The following MINDY3 variants were observed in gnomAD, a reference collection of about 807,000 sequenced individuals.
MINDY3 encodes the protein MINDY lysine 48 deubiquitinase 3, also known as ubiquitin carboxyl-terminal hydrolase MINDY-3.
MINDY3 carries 38 observed loss-of-function variants against 69.2 expected under a neutral mutation model. The observed-to-expected ratio is 0.55, with a 90% CI of 0.42 to 0.72. The LOEUF is 0.72. Ranked by LOEUF, MINDY3 falls within the 30% of genes least tolerant of loss-of-function variation. The pLI is 0.00. For synonymous variants in MINDY3, 192 were observed against 180.1 expected (o/e 1.07, Z -0.53); for missense variants, 522 against 519.0 (o/e 1.01, Z -0.06).
chr10:15,789,271 A>C lies in MINDY3; in HGVS notation c.1004T>G (p.Leu335Trp). ...DSLLEDVMKA[L>W]DLVSDPEYIN... is the part of the protein sequence containing the mutation. Reference sequence around the variant, plus strand: ...CTATTCAGGATCTGAAACAAGGTCCAATGCTTTCATCACATCTTCCAGAAG... The same window carrying C: ...CTATTCAGGATCTGAAACAAGGTCCCATGCTTTCATCACATCTTCCAGAAG... Residue 335 changes from leucine to tryptophan, a missense_variant, in exon 12 of 15, where the codon TTG becomes TGG. Leu to Trp is a moderately conservative substitution (Grantham distance 61). Coordinates refer to ENST00000277632, the MANE Select transcript of MINDY3 (RefSeq NM_024948.4). 6.2e-7 allele frequency: 1 copy of C among 1,611,734 alleles called. No individual in the cohort carries two copies. Among genetic ancestry groups the C allele is most frequent in the Non-Finnish European group, 8.5e-7 (1 of 1,178,556 alleles).
chr10:15,859,248 G>T (rs983670435), intron 1 of MINDY3, among the ~76,000 whole-genome samples: 3 of 152,124 alleles, frequency 2.0e-5, no homozygotes, highest in Non-Finnish European at 4.4e-5. Flanking sequence ...TGAAATAGGG[G>T]TTTATATTTA....
rs1471635978 is a variant in MINDY3 at position 15,847,956 on chromosome 10, G to A, written c.95-13C>T. On this transcript the variant is annotated splice_polypyrimidine_tract_variant and intron_variant, in intron 1 of 14. Transcript: ENST00000277632. The stretch of plus-strand genomic sequence containing the variant: ...CTAAACACAAACCCTAAAAATGAAA[G>A]CAAGTAGGAAAGATTAAAAATATAA... 2 of 1,602,444 alleles carry A rather than the reference G, an allele frequency of 1.2e-6. No homozygotes were observed. Among genetic ancestry groups the A allele is most frequent in the South Asian group, 1.1e-5 (1 of 90,870 alleles).
At chr10:15,835,871 G>A (rs1003329781) in intron 6 of MINDY3, among the ~76,000 whole-genome samples, 3 of 151,904 alleles carry the variant, frequency 2.0e-5, no homozygotes, top group Non-Finnish European at 4.4e-5. Flanking sequence ...AGTTTAGGCT[G>A]CTCTTATTTC....
At chr10:15,806,557 C>T (rs909749513) in intron 10 of MINDY3, among the ~76,000 whole-genome samples, 3 of 152,146 alleles carry the variant, frequency 2.0e-5, no homozygotes, top group Non-Finnish European at 4.4e-5. Flanking sequence ...GAAGCTTTGA[C>T]TGTTGATTCA....
chr10:15,801,876 T>C (rs1838285528), intron 10 of MINDY3, among the ~76,000 whole-genome samples: 1 of 151,732 alleles, frequency 6.6e-6, no homozygotes, highest in Non-Finnish European at 1.5e-5. Flanking sequence ...CTTGGAGAAA[T>C]TCAAGAGCTA....
intron 10 of MINDY3, among the ~76,000 whole-genome samples, chr10:15,810,128 G>C (rs1838898608): frequency 6.6e-6 from 1 of 151,914 alleles, no homozygotes; most frequent in African/African-American, 2.4e-5. Context: ...CAATTAAAAA[G>C]GTAAATTCTG....
At chr10:15,823,433 A>T (rs1386181027) in intron 8 of MINDY3, among the ~76,000 whole-genome samples, 1 of 152,210 alleles carries the variant, frequency 6.6e-6, no homozygotes, top group Non-Finnish European at 1.5e-5. Flanking sequence ...TTATAAGCAT[A>T]TATGAAGATC....
intron 4 of MINDY3, among the ~76,000 whole-genome samples, chr10:15,839,807 T>C (rs1004330284): frequency 2.6e-5 from 4 of 151,634 alleles, no homozygotes; most frequent in African/African-American, 7.2e-5. Flanking sequence ...ATTTAAAAAA[T>C]TTAAAATATG....
chr10:15,841,458 G>A lies in MINDY3; in HGVS notation c.377C>T (p.Pro126Leu). The A allele has an allele frequency of 6.2e-7, 1 of 1,611,552 alleles. No homozygotes were observed. Among genetic ancestry groups the A allele is most frequent in the Non-Finnish European group, 8.5e-7 (1 of 1,178,406 alleles). ...TTCCACTTGGCAACTAGACTCTGCA[G>A]GACTCCCAGAAATACTAGCAGTTTC... ...TEETASISGS[P>L]AESSCQVEHS... Residue 126 changes from proline to leucine, a missense_variant, in exon 4 of 15, where the codon CCT becomes CTT. Transcript: ENST00000277632.
chr10:15,858,420 A>G (rs2132163660), intron 1 of MINDY3, among the ~76,000 whole-genome samples: 1 of 152,340 alleles, frequency 6.6e-6, no homozygotes, highest in East Asian at 1.9e-4. Context: ...GTCAGGAAAA[A>G]GCCAAAGAGT....
At chr10:15,785,923 A>G (rs1199828341) in intron 13 of MINDY3, among the ~76,000 whole-genome samples, 1 of 152,124 alleles carries the variant, frequency 6.6e-6, no homozygotes, top group Non-Finnish European at 1.5e-5. Context: ...AATGACCATG[A>G]TATCTGTTAT....
chr10:15,857,969 T>A, intron 1 of MINDY3: 1 of 984,474 alleles, frequency 1.0e-6, no homozygotes, highest in South Asian at 4.7e-5. Context: ...GATCACAGAC[T>A]ATGAAATAAA....
chr10:15,822,412 G>A lies in MINDY3; in HGVS notation c.731-686C>T, dbSNP rs145180921. On this transcript the variant is annotated intron_variant, in intron 8 of 14. Transcript: ENST00000277632. ...AGGCTTATAAAAGTGATAACAGGGA[G>A]TTGAATCTTGAAGCGTATTACAGTT... Among the ~76,000 whole-genome samples, 343 of 152,264 alleles carry A rather than the reference G, an allele frequency of 2.3e-3. 2 individuals carry two copies. The highest frequency in any genetic ancestry group is 7.8e-3 in the African/African-American group (323 of 41,558).
At chr10:15,792,301 G>A (rs929421016) in intron 11 of MINDY3, among the ~76,000 whole-genome samples, 39 of 152,152 alleles carry the variant, frequency 2.6e-4, no homozygotes, top group African/African-American at 9.2e-4. Context: ...CAGATCCCCA[G>A]GGCCTAGCAC....
intron 8 of MINDY3, among the ~76,000 whole-genome samples, chr10:15,827,139 T>TG (rs1840137367): frequency 1.2e-5 from 1 of 80,440 alleles, no homozygotes; most frequent in Non-Finnish European, 2.4e-5. Context: ...ATAAAAAATC[T>TG]GGGGGTGGGA....
chr10:15,850,902 C>G (rs1027027401), intron 1 of MINDY3, among the ~76,000 whole-genome samples: 8 of 152,248 alleles, frequency 5.3e-5, no homozygotes, highest in African/African-American at 1.9e-4. Flanking sequence ...CTCTTTTGTA[C>G]TCTGTCCCTT....
Position 15,837,268 on chromosome 10 carries a change from T to C in MINDY3, c.512A>G (p.Gln171Arg), listed in dbSNP as rs780644394. 2 of 1,609,208 alleles carry C rather than the reference T, an allele frequency of 1.2e-6. No individual in the cohort carries two copies. The highest frequency in any genetic ancestry group is 2.7e-5 in the African/African-American group (2 of 74,754). The change falls in exon 6 of 15, where the codon CAG becomes CGG. Residue 171 changes from glutamine to arginine, a missense_variant. Gln to Arg is a conservative substitution (Grantham distance 43). Coordinates refer to ENST00000277632, the MANE Select transcript of MINDY3 (RefSeq NM_024948.4). ...AAATTTATTTCCCCACATTGAATAC[T>C]GGTCCAAGACAGCATCTTTTAATTC... The part of the protein sequence containing the change: ...LPELKDAVLD[Q>R]YSMWGNKFGV...
At chr10:15,783,587 T>C (rs1324503750) in intron 13 of MINDY3, among the ~76,000 whole-genome samples, 1 of 152,186 alleles carries the variant, frequency 6.6e-6, no homozygotes, top group Non-Finnish European at 1.5e-5. Context: ...ACTTAACCTT[T>C]ATCATAACAA....
At chr10:15,832,234 G>T (rs1840519221) in intron 8 of MINDY3, among the ~76,000 whole-genome samples, 2 of 152,100 alleles carry the variant, frequency 1.3e-5, no homozygotes, top group Non-Finnish European at 2.9e-5. Flanking sequence ...ACAGTAAGAA[G>T]TATCAAGGAC....
Sources: gnomAD v4.1 joint callset for allele counts (sites outside exome capture counted in the v4.1 genomes callset) on GRCh38, gnomAD v4.1.1 for gene constraint, MANE v1.5 for transcripts, NCBI Gene and HGNC (gene_info 2026-07-23, HGNC 2026-07-21) for gene names.